Variants in CD59 observed in about 807,000 individuals in gnomAD.
The protein encoded by CD59 is CD59 molecule (CD59 blood group).
Under a neutral mutation model 7.0 loss-of-function variants are expected in CD59, and 3 were observed. The observed-to-expected ratio is 0.43, with a 90% confidence interval of 0.19 to 1.10. CD59 has a LOEUF of 1.10. Ranked by LOEUF, CD59 falls within the 50% of genes least tolerant of loss-of-function variation. The pLI, the probability that CD59 is intolerant of heterozygous loss-of-function variation, is 0.29. For missense variants in CD59, 143 were observed against 151.0 expected (o/e 0.95, Z 0.28); for synonymous variants, 60 against 62.0 (o/e 0.97, Z 0.15).
chr11:33,717,992 A>G (rs576765946), intron 2 of CD59: 1 of 183,318 alleles, frequency 5.5e-6, no homozygotes, highest in South Asian at 1.1e-4. Flanking sequence ...CTAATTTTGA[A>G]CCCCAATTAA....
At chr11:33,734,106 C>T (rs1414121632) in intron 1 of CD59, among the ~76,000 whole-genome samples, 1 of 152,216 alleles carries the variant, frequency 6.6e-6, no homozygotes, top group African/African-American at 2.4e-5. Flanking sequence ...AGCTTTTGAA[C>T]CCCAGGTCTG....
In CD59 at chr11:33,708,488, A is replaced by C. The variant is rs1853405956; in HGVS notation, c.*1638T>G. ...CCCGCCCCCAAAAAAGTTCCCAGAA[A>C]TTCATTTTCTGCTTAAATTCATCAA... On this transcript the variant is annotated 3_prime_UTR_variant, in exon 4 of 4. Coordinates refer to ENST00000642928, the MANE Select transcript of CD59 (RefSeq NM_000611.6). 7.5e-6 allele frequency: 1 copy of C among 133,500 alleles called. No homozygotes were observed. Among genetic ancestry groups the C allele is most frequent in the Non-Finnish European group, 1.6e-5 (1 of 63,466 alleles). 8.3% of individuals were successfully genotyped at this position (133,500 alleles called of 1,614,324 possible).
intron 1 of CD59, among the ~76,000 whole-genome samples, chr11:33,735,414 G>T (rs1261340596): frequency 1.3e-5 from 2 of 151,460 alleles, no homozygotes; most frequent in African/African-American, 2.4e-5. Flanking sequence ...CTTAATGTTG[G>T]TTTTTTTTGT....
intron 1 of CD59, among the ~76,000 whole-genome samples, chr11:33,734,364 T>A (rs1854503391): frequency 6.6e-6 from 1 of 152,262 alleles, no homozygotes; most frequent in African/African-American, 2.4e-5. Context: ...TGCAGATTTG[T>A]TTCATAGGTA....
chr11:33,731,718 G>C (rs1854423180), intron 1 of CD59, among the ~76,000 whole-genome samples: 1 of 152,242 alleles, frequency 6.6e-6, no homozygotes, highest in Non-Finnish European at 1.5e-5. Context: ...GGTTACTTTA[G>C]ATTGGGTTGG....
chr11:33,728,562 A>C (rs192547659), intron 1 of CD59, among the ~76,000 whole-genome samples: 5 of 152,360 alleles, frequency 3.3e-5, no homozygotes, highest in African/African-American at 9.6e-5. Context: ...TAAAACCATA[A>C]AAACCCTAGA....
intron 1 of CD59, among the ~76,000 whole-genome samples, chr11:33,724,508 G>GC (rs1425598366): frequency 6.6e-6 from 1 of 152,174 alleles, no homozygotes; most frequent in Non-Finnish European, 1.5e-5. Flanking sequence ...TACATGTACT[G>GC]CATAGCACAA....
At chr11:33,721,254 A>G (rs1854047496) in intron 2 of CD59, among the ~76,000 whole-genome samples, 1 of 152,244 alleles carries the variant, frequency 6.6e-6, no homozygotes. Context: ...AAGGGAGAAC[A>G]TATTAAAGTG....
Position 33,704,060 on chromosome 11 carries a change from C to G in CD59, c.*6066G>C, listed in dbSNP as rs992297432. 5 of 152,344 alleles carry G rather than the reference C, an allele frequency of 3.3e-5. No individual in the cohort carries two copies. Among genetic ancestry groups the G allele is most frequent in the African/African-American group, 1.2e-4 (5 of 41,408 alleles). The allele number at this position is 152,344 out of a possible 1,614,324, so 9.4% of individuals were successfully genotyped here. On this transcript the variant is annotated 3_prime_UTR_variant, in exon 4 of 4. Transcript: ENST00000642928. ...CTTCCCCTCCCCCACTCCAGCTCTGCATCTGGACACACTGTCAGCCATCAG... is the reference window on the plus strand; with the variant it reads ...CTTCCCCTCCCCCACTCCAGCTCTGGATCTGGACACACTGTCAGCCATCAG...
intron 1 of CD59, among the ~76,000 whole-genome samples, chr11:33,729,997 A>G (rs1367961730): frequency 6.6e-6 from 1 of 152,114 alleles, no homozygotes; most frequent in Non-Finnish European, 1.5e-5. Context: ...AATTGAAAAA[A>G]CTGTTAGATA....
chr11:33,734,806 G>A (rs1304591951), intron 1 of CD59, among the ~76,000 whole-genome samples: 1 of 152,226 alleles, frequency 6.6e-6, no homozygotes, highest in African/African-American at 2.4e-5. Flanking sequence ...GTCTGTGGCG[G>A]TTTGGCTGAG....
intron 1 of CD59, among the ~76,000 whole-genome samples, chr11:33,724,205 AGGT>A (rs1426025259): frequency 6.6e-6 from 1 of 152,226 alleles, no homozygotes; most frequent in Non-Finnish European, 1.5e-5. Context: ...GGCACTGGAA[AGGT>A]GTCAGGCTGG....
At chr11:33,711,356 T>G (rs938250873) in intron 3 of CD59, 2 of 699,562 alleles carry the variant, frequency 2.9e-6, no homozygotes, top group African/African-American at 3.5e-5. Context: ...TAGAAAACAT[T>G]CTTAAACTCT....
chr11:33,711,059 G>GT (rs1380075116), intron 3 of CD59, among the ~76,000 whole-genome samples: 1 of 151,064 alleles, frequency 6.6e-6, no homozygotes, highest in East Asian at 1.9e-4. Flanking sequence ...AGGTGGGGGG[G>GT]GGGCAGAAAA....
At chr11:33,731,563 C>A (rs1224756891) in intron 1 of CD59, 1 of 152,168 alleles carries the variant, frequency 6.6e-6, no homozygotes, top group Non-Finnish European at 1.5e-5. Flanking sequence ...TGATTAGACT[C>A]CAGCCCTAGA....
chr11:33,713,855 A>G (rs960448171), intron 3 of CD59, among the ~76,000 whole-genome samples: 2 of 152,240 alleles, frequency 1.3e-5, no homozygotes, highest in Admixed American at 1.3e-4. Flanking sequence ...TTATCCACAT[A>G]AAAGTGGCTT....
chr11:33,710,199 G>A lies in CD59; in HGVS notation c.314C>T (p.Thr105Ile), dbSNP rs377154070. 6 of 1,614,030 alleles carry A rather than the reference G, an allele frequency of 3.7e-6. No homozygotes were observed. The African/African-American group carries it at 8.0e-5, about 22-fold the overall frequency. ...AAGAACTGTTTTCTCTGATAAGGAT[G>A]TCCCACCATTTTCAAGCTGTTCGTT... is the stretch of plus-strand genomic sequence containing the variant. ...NFNEQLENGG[T>I]SLSEKTVLLL... Residue 105 changes from threonine (T) to isoleucine (I), a missense_variant, in exon 4 of 4, where the codon ACA becomes ATA. Thr to Ile is a moderately conservative substitution (Grantham distance 89, BLOSUM62 -1). Coordinates refer to ENST00000642928, the MANE Select transcript of CD59 (RefSeq NM_000611.6).
At chr11:33,711,557 G>C in intron 3 of CD59, 1 of 596,352 alleles carries the variant, frequency 1.7e-6, no homozygotes, top group East Asian at 2.9e-5. Context: ...TGCGCCTTTA[G>C]TCTTAGCTAC....
At chr11:33,711,303 T>C (rs1853547177) in intron 3 of CD59, 1 of 656,414 alleles carries the variant, frequency 1.5e-6, no homozygotes, top group Non-Finnish European at 2.7e-6. Context: ...CCCCTCTCTA[T>C]TTCTTTTTTA....
Sources: allele counts gnomAD v4.1 joint callset (sites outside exome capture counted in the v4.1 genomes callset), GRCh38; gene constraint gnomAD v4.1.1; transcripts MANE v1.5; gene names NCBI Gene and HGNC (gene_info 2026-07-23, HGNC 2026-07-21).